The following MIB1 variants were observed in gnomAD, a reference collection of about 807,000 sequenced individuals.
The protein encoded by MIB1 is MIB E3 ubiquitin protein ligase 1.
Under a neutral mutation model 124.5 loss-of-function variants are expected in MIB1, and 278 were observed. That is an observed-to-expected ratio of 2.23 (90% CI 2.02 to 2.47). The LOEUF is 2.47. MIB1 is among the 30% of genes most tolerant of loss of function. The pLI is 0.00. For missense variants in MIB1, 957 were observed against 1,254.4 expected, an observed-to-expected ratio of 0.76 and a Z score of 3.58; for synonymous variants, 446 against 429.4, an observed-to-expected ratio of 1.04 and a Z score of -0.48.
chr18:21,833,626 G>T (rs896096532), intron 12 of MIB1, among the ~76,000 whole-genome samples: 4 of 152,146 alleles, frequency 2.6e-5, no homozygotes, highest in Non-Finnish European at 5.9e-5. Context: ...GGAAAATGTT[G>T]CCTGCCTCTG....
chr18:21,850,666 C>A (rs532849690), intron 17 of MIB1, among the ~76,000 whole-genome samples: 79 of 152,282 alleles, frequency 5.2e-4, no homozygotes, highest in African/African-American at 1.8e-3. Flanking sequence ...ATTCATAAAG[C>A]TGAGAAGGGT....
At chr18:21,799,314 A>G (rs1429557818) in intron 8 of MIB1, among the ~76,000 whole-genome samples, 5 of 152,040 alleles carry the variant, frequency 3.3e-5, no homozygotes, top group African/African-American at 9.7e-5. Flanking sequence ...ATCATTTGGC[A>G]CTTACTGAAA....
chr18:21,814,122 G>C (rs2041803831), intron 10 of MIB1, among the ~76,000 whole-genome samples: 1 of 152,058 alleles, frequency 6.6e-6, no homozygotes, highest in African/African-American at 2.4e-5. Flanking sequence ...GGTCTTTCCT[G>C]CCTTCTCATT....
upstream of MIB1, among the ~76,000 whole-genome samples, chr18:21,737,635 T>C (rs933167765): frequency 6.6e-6 from 1 of 151,968 alleles, no homozygotes; most frequent in Non-Finnish European, 1.5e-5. Context: ...AGGAGACCCA[T>C]CTCATGTACA....
intron 12 of MIB1, among the ~76,000 whole-genome samples, chr18:21,830,442 A>G (rs1745539309): frequency 6.6e-6 from 1 of 152,200 alleles, no homozygotes. Flanking sequence ...TTACTGCCAT[A>G]GTATCTGAAC....
chr18:21,792,090 C>T (rs2041511563), intron 7 of MIB1, among the ~76,000 whole-genome samples: 1 of 152,162 alleles, frequency 6.6e-6, no homozygotes, highest in South Asian at 2.1e-4. Flanking sequence ...TTCCCTTTCC[C>T]TGTCTGTATC....
intron 1 of MIB1, among the ~76,000 whole-genome samples, chr18:21,762,972 TC>T (rs1338293561): frequency 6.6e-6 from 1 of 152,102 alleles, no homozygotes; most frequent in African/African-American, 2.4e-5. Context: ...ATTTACTAAA[TC>T]TATATTAAGA....
At chr18:21,789,074 G>T (rs2155985) in intron 6 of MIB1, among the ~76,000 whole-genome samples, 1,877 of 152,230 alleles carry the variant, frequency 0.012, 49 homozygotes, top group African/African-American at 0.043. Flanking sequence ...AGACTGGGTG[G>T]CTTAACAGAG....
At chr18:21,820,408 C>T (rs1232481371) in intron 12 of MIB1, among the ~76,000 whole-genome samples, 1 of 152,104 alleles carries the variant, frequency 6.6e-6, no homozygotes, top group East Asian at 1.9e-4. Context: ...AACACTTATT[C>T]TTTGGTTCCT....
intron 12 of MIB1, among the ~76,000 whole-genome samples, chr18:21,831,612 G>A (rs772738117): frequency 9.9e-5 from 15 of 151,994 alleles, no homozygotes; most frequent in Non-Finnish European, 1.6e-4. Context: ...TTCATCCTGC[G>A]GTCCAAACAC....
chr18:21,835,001 A>G (rs2042013740), intron 12 of MIB1, among the ~76,000 whole-genome samples: 1 of 152,222 alleles, frequency 6.6e-6, no homozygotes, highest in Non-Finnish European at 1.5e-5. Flanking sequence ...TTTAAAATAG[A>G]TATTTAAAAA....
chr18:21,758,723 C>T (rs1037438280), intron 1 of MIB1, among the ~76,000 whole-genome samples: 69 of 152,192 alleles, frequency 4.5e-4, no homozygotes, highest in African/African-American at 1.6e-3. Context: ...TTAGTAGAGA[C>T]AGGGTTTCAC....
intron 1 of MIB1, among the ~76,000 whole-genome samples, chr18:21,712,339 C>T (rs1387281442): frequency 6.6e-6 from 1 of 152,196 alleles, no homozygotes; most frequent in African/African-American, 2.4e-5. Context: ...TGGTGCCCTT[C>T]TCCTGGAGTG....
rs575916107 is a variant in MIB1, at chr18:21,776,093, C to T, written c.637-2010C>T. On this transcript the variant is annotated intron_variant, in intron 4 of 20. Transcript: ENST00000261537. ...ACCAACCTGGGCAATGTGGCAAAAC[C>T]ACATCTCTACAAACAATAAAAAATG... is the stretch of plus-strand genomic sequence containing the variant. Among the ~76,000 whole-genome samples the T allele has an allele frequency of 3.3e-5, 5 of 152,108 alleles. No homozygotes were observed. The South Asian group carries it at 1.0e-3, about 32-fold the overall frequency.
rs574146329 is a variant in MIB1, at chr18:21,849,260, A to G, written c.2458A>G (p.Met820Val). Residue 820 changes from methionine to valine, a missense_variant, in exon 17 of 21, where the codon ATG becomes GTG. Met to Val is a conservative substitution (Grantham distance 21). Transcript: ENST00000261537. ...TGATTCTGAAACCTTAGAAGAGTGT[A>G]TGGTGTGCTCAGATATGAAGAGAGA... is the stretch of plus-strand genomic sequence containing the variant. ...SNDSETLEEC[M>V]VCSDMKRDTL... The G allele has an allele frequency of 1.1e-5, 18 of 1,612,844 alleles. No individual in the cohort carries two copies. In the South Asian group the frequency reaches 1.3e-4, roughly 12 times the overall value.
Position 21,819,596 on chromosome 18 carries a change from C to T in MIB1, c.1779C>T (p.Asn593=). ...CTGGAGCAGATGTTACCATCACAAACAATAATGGATTTAATGCTCTGCATC... is the reference window on the plus strand; with the variant it reads ...CTGGAGCAGATGTTACCATCACAAATAATAATGGATTTAATGCTCTGCATC... ...LEAGADVTIT[N]NNGFNALHHA... The change falls in exon 12 of 21, where the codon AAC becomes AAT. Residue 593 remains asparagine, a synonymous_variant. Transcript: ENST00000261537. 1 of 1,611,804 alleles carries T rather than the reference C, an allele frequency of 6.2e-7. No individual in the cohort carries two copies. The highest frequency in any genetic ancestry group is 8.5e-7 in the Non-Finnish European group (1 of 1,178,774).
At chr18:21,724,724 AAAAATATATATATATATATATATATAT>A (rs1384409776) in intron 1 of MIB1, among the ~76,000 whole-genome samples, 21 of 61,384 alleles carry the variant, frequency 3.4e-4, no homozygotes, top group African/African-American at 1.2e-3. Context: ...AAAAAAAAAA[AAAAATATATATATATATATATATATAT>A]ATATATATAT....
chr18:21,718,635 TTGTTTAA>T (rs1258269067), intron 1 of MIB1, among the ~76,000 whole-genome samples: 1 of 152,248 alleles, frequency 6.6e-6, no homozygotes, highest in East Asian at 1.9e-4. Context: ...TTATGCATTG[TTGTTTAA>T]GTAACTAAGT....
intron 13 of MIB1, among the ~76,000 whole-genome samples, chr18:21,839,217 T>C (rs1224730074): frequency 1.3e-5 from 2 of 152,128 alleles, no homozygotes; most frequent in Non-Finnish European, 2.9e-5. Flanking sequence ...TGTAATCAAA[T>C]ACCAAATTAT....
Sources: allele counts gnomAD v4.1 joint callset (sites outside exome capture counted in the v4.1 genomes callset), GRCh38; gene constraint gnomAD v4.1.1; transcripts MANE v1.5; gene names NCBI Gene and HGNC (gene_info 2026-07-23, HGNC 2026-07-21).